Variants in BANP observed in about 807,000 individuals in gnomAD.
The protein encoded by BANP is BTG3 associated nuclear protein.
Under a neutral mutation model 68.1 loss-of-function variants are expected in BANP, and 11 were observed. The observed-to-expected ratio is 0.16, with a 90% CI of 0.10 to 0.27. BANP has a LOEUF of 0.27. Ranked by LOEUF, BANP falls within the 10% of genes least tolerant of loss-of-function variation. The probability of loss-of-function intolerance (pLI) is 1.00; values close to 1 mark genes in which losing one functional copy is unlikely to be tolerated. For synonymous variants in BANP, 329 were observed against 303.2 expected (o/e 1.09, Z -0.88); for missense variants, 504 against 722.7 (o/e 0.70, Z 3.47).
intron 11 of BANP, among the ~76,000 whole-genome samples, chr16:88,056,515 A>C (rs1264553085): frequency 2.0e-5 from 3 of 150,346 alleles, no homozygotes; most frequent in Non-Finnish European, 4.4e-5. Context: ...TGAAATGTAC[A>C]CTTTCAGTGT....
intron 4 of BANP, among the ~76,000 whole-genome samples, chr16:87,998,170 A>G (rs577003105): frequency 6.6e-6 from 1 of 152,268 alleles, no homozygotes; most frequent in East Asian, 1.9e-4. Flanking sequence ...GCATTCTTCT[A>G]GGGACTTTGG....
At chr16:87,952,531 C>T (rs1453678971) in intron 1 of BANP, 1 of 152,224 alleles carries the variant, frequency 6.6e-6, no homozygotes, top group Non-Finnish European at 1.5e-5. Flanking sequence ...TTGTAGGGTT[C>T]ACTTTTAGCT....
intron 6 of BANP, among the ~76,000 whole-genome samples, chr16:88,016,171 A>T (rs1435295792): frequency 3.9e-4 from 60 of 152,228 alleles, no homozygotes; most frequent in Non-Finnish European, 1.2e-4. Context: ...TGACCAGGAA[A>T]TCTGTGGCAT....
intron 4 of BANP, among the ~76,000 whole-genome samples, chr16:87,996,583 G>T (rs1472494058): frequency 6.9e-6 from 1 of 145,840 alleles, no homozygotes; most frequent in East Asian, 2.0e-4. Context: ...GTGTTGCTGG[G>T]CCCTCGTCCT....
At position 88,005,859 on chromosome 16, in the gene BANP, TACAA is replaced by T. The variant is rs138266023; in HGVS notation, c.480-227_480-224del. 1.7e-4 allele frequency among the ~76,000 whole-genome samples: 26 copies of T among 152,392 alleles called. No homozygotes were observed. The East Asian group carries it at 4.6e-3, about 27-fold the overall frequency. On this transcript the variant is annotated intron_variant, in intron 5 of 13. Coordinates refer to ENST00000682872, the MANE Select transcript of BANP (RefSeq NM_001386991.1). ...GAGTATGATTTTACTCCTTTTGTGA[TACAA>T]ACATTTTCTTTAAATGGTTAAGTTT...
chr16:88,049,360 G>T (rs1046017280), intron 11 of BANP, among the ~76,000 whole-genome samples: 3 of 152,192 alleles, frequency 2.0e-5, no homozygotes, highest in African/African-American at 7.2e-5. Context: ...ACATCCCGGC[G>T]AGGTACGGGG....
intron 1 of BANP, among the ~76,000 whole-genome samples, chr16:87,961,121 A>G (rs1322469320): frequency 6.6e-6 from 1 of 152,252 alleles, no homozygotes; most frequent in Non-Finnish European, 1.5e-5. Flanking sequence ...GTACAAGTCA[A>G]GCCAATGGAT....
In BANP at chr16:88,004,786, G is replaced by A. The variant is rs897485877; in HGVS notation, c.479+375G>A. On this transcript the variant is annotated intron_variant, in intron 5 of 13. Transcript: ENST00000682872. This position sits in a 1 kb window ranked among gnomAD's most constrained non-coding sequence, Gnocchi z 7.0. ...CAGGCAAACAGACGCCCTCTCCCAC[G>A]GTTGCTAAGTGGTGCAGGCATGTTG... Among the ~76,000 whole-genome samples, 3 of 152,198 alleles carry A rather than the reference G, an allele frequency of 2.0e-5. No homozygotes were observed. Among genetic ancestry groups the A allele is most frequent in the East Asian group, 1.9e-4 (1 of 5,196 alleles).
intron 8 of BANP, among the ~76,000 whole-genome samples, chr16:88,029,188 T>C (rs2077586007): frequency 6.7e-6 from 1 of 150,352 alleles, no homozygotes; most frequent in Non-Finnish European, 1.5e-5. Context: ...ATGCCTCTAA[T>C]CCCAGCTACT....
intron 1 of BANP, 29 bp from the exon 2 acceptor site, chr16:87,975,019 T>C: frequency 9.7e-7 from 1 of 1,035,474 alleles, no homozygotes; most frequent in South Asian, 1.3e-5. Flanking sequence ...GTTAATGTCC[T>C]CTCCTCCTCC....
At chr16:88,053,805 T>C (rs1306282065) in intron 11 of BANP, among the ~76,000 whole-genome samples, 2 of 113,576 alleles carry the variant, frequency 1.8e-5, no homozygotes, top group South Asian at 3.2e-4. Context: ...CCACCACCTC[T>C]ACTATCTCCA....
chr16:88,053,472 A>C (rs1778384113), intron 11 of BANP, among the ~76,000 whole-genome samples: 1 of 134,332 alleles, frequency 7.4e-6, no homozygotes, highest in Admixed American at 7.3e-5. Flanking sequence ...TCACCAACAC[A>C]ACCACCTTCA....
At chr16:88,059,900 G>C (rs955778547) in intron 11 of BANP, among the ~76,000 whole-genome samples, 1 of 152,202 alleles carries the variant, frequency 6.6e-6, no homozygotes. Context: ...CTGGAGCCAC[G>C]GCCTGGTGGG....
rs114798390 is a variant in BANP at position 87,961,506 on chromosome 16, T to C, written c.-69+9991T>C. ...CATATGCATCGACCAAAACAACATA[T>C]CGGAGCAGACCACCGGTGGAAGCAG... On this transcript the variant is annotated intron_variant, in intron 1 of 13. Transcript: ENST00000682872. Among the ~76,000 whole-genome samples the C allele has an allele frequency of 3.5e-3, 522 of 149,780 alleles. 4 individuals carry two copies. The highest frequency in any genetic ancestry group is 0.012 in the African/African-American group (498 of 41,050).
intron 7 of BANP, among the ~76,000 whole-genome samples, chr16:88,024,850 T>C (rs2076686332): frequency 6.6e-6 from 1 of 152,284 alleles, no homozygotes; most frequent in Non-Finnish European, 1.5e-5. Context: ...TTAATAAGTG[T>C]GAGTCAGGGT....
intron 4 of BANP, among the ~76,000 whole-genome samples, chr16:87,998,046 C>T (rs534329510): frequency 1.3e-5 from 2 of 152,296 alleles, no homozygotes; most frequent in South Asian, 4.1e-4. Flanking sequence ...TCTTTGCTTT[C>T]GGCACGCAGA....
Position 88,076,798 on chromosome 16 carries a change from C to A in BANP, c.*137C>A. On this transcript the variant is annotated 3_prime_UTR_variant, in exon 14 of 14. Transcript: ENST00000682872. Reference sequence around the variant, plus strand: ...GTGCGTCTGAAGGCCGCTGCCTCCGCGGGGAACAGCATCCTATCAACTGAA... The same window carrying A: ...GTGCGTCTGAAGGCCGCTGCCTCCGAGGGGAACAGCATCCTATCAACTGAA... The A allele has an allele frequency of 1.5e-6, 1 of 688,160 alleles. No homozygotes were observed. The highest frequency in any genetic ancestry group is 2.4e-6 in the Non-Finnish European group (1 of 422,420). 42.6% of individuals were successfully genotyped at this position (688,160 alleles called of 1,614,324 possible).
chr16:87,982,554 T>C (rs1410524141), intron 3 of BANP: 2 of 152,220 alleles, frequency 1.3e-5, no homozygotes, highest in Non-Finnish European at 1.5e-5. Flanking sequence ...GTGCCTCCTT[T>C]GTAGGTAAGC....
chr16:88,038,737 C>CT (rs2080040632), intron 11 of BANP, among the ~76,000 whole-genome samples: 1 of 152,146 alleles, frequency 6.6e-6, no homozygotes, highest in Admixed American at 6.6e-5. Flanking sequence ...ACAGAGTCCA[C>CT]TCGCTGGTGG....
Sources: allele counts gnomAD v4.1 joint callset (sites outside exome capture counted in the v4.1 genomes callset), GRCh38; gene constraint gnomAD v4.1.1; non-coding constraint Gnocchi (gnomAD v3.1); transcripts MANE v1.5; gene names NCBI Gene and HGNC (gene_info 2026-07-23, HGNC 2026-07-21).